PPP1R14C: variants seen among roughly 807,000 people sequenced by gnomAD.
PPP1R14C encodes the protein protein phosphatase 1 regulatory inhibitor subunit 14C, also known as protein phosphatase 1 regulatory subunit 14C.
A neutral mutation model predicts 20.4 loss-of-function variants in PPP1R14C; 16 were observed. That is an observed-to-expected ratio of 0.78 (90% CI 0.53 to 1.19). The LOEUF is 1.19. Ranked by LOEUF, PPP1R14C falls within the 50% of genes most tolerant of loss-of-function variation. The probability of loss-of-function intolerance (pLI) is 0.00; values close to 1 mark genes in which losing one functional copy is unlikely to be tolerated. For synonymous variants in PPP1R14C, 91 were observed against 91.0 expected, an observed-to-expected ratio of 1.00 and a Z score of 0.00; for missense variants, 211 against 220.1, an observed-to-expected ratio of 0.96 and a Z score of 0.26.
chr6:150,198,726 C>G (rs116761680), intron 1 of PPP1R14C, among the ~76,000 whole-genome samples: 1 of 152,188 alleles, frequency 6.6e-6, no homozygotes, highest in Non-Finnish European at 1.5e-5. Context: ...CGGGCAGCCC[C>G]GCTGGCACTT....
intron 1 of PPP1R14C, among the ~76,000 whole-genome samples, chr6:150,212,689 A>G (rs1778042131): frequency 6.6e-6 from 1 of 152,224 alleles, no homozygotes; most frequent in Non-Finnish European, 1.5e-5. Context: ...CATTTCAGTC[A>G]ACAATGGACT....
chr6:150,168,297 G>A (rs1327722497), intron 1 of PPP1R14C, among the ~76,000 whole-genome samples: 5 of 151,662 alleles, frequency 3.3e-5, no homozygotes, highest in Admixed American at 6.6e-5. Flanking sequence ...AGCACTTTGG[G>A]AGGCCGAGGC....
At position 150,185,438 on chromosome 6, in the gene PPP1R14C, T is replaced by C. The variant is rs1582908366; in HGVS notation, c.307-29306T>C. Among the ~76,000 whole-genome samples, 1 of 152,300 alleles carries C rather than the reference T, an allele frequency of 6.6e-6. No individual in the cohort carries two copies. On this transcript the variant is annotated intron_variant, in intron 1 of 3. Transcript: ENST00000361131. The surrounding 1 kb of genome is among the most constrained non-coding windows in gnomAD (Gnocchi z 4.1). ...GCTCGTCTTGCCATGGGGACCATCC[T>C]TGCATTAACCACAGGAATTTCCAGC... is the stretch of plus-strand genomic sequence containing the variant.
intron 3 of PPP1R14C, among the ~76,000 whole-genome samples, chr6:150,217,927 T>A (rs1037479872): frequency 6.6e-6 from 1 of 152,236 alleles, no homozygotes; most frequent in African/African-American, 2.4e-5. Context: ...TTGAGCTTTA[T>A]GCTTCCAACC....
At chr6:150,165,020 G>A (rs527599826) in intron 1 of PPP1R14C, among the ~76,000 whole-genome samples, 1 of 152,348 alleles carries the variant, frequency 6.6e-6, no homozygotes, top group South Asian at 2.1e-4. Context: ...CATAGGATCT[G>A]TGTGGTACCT....
intron 1 of PPP1R14C, among the ~76,000 whole-genome samples, chr6:150,198,806 A>G (rs1441372690): frequency 6.6e-6 from 1 of 152,192 alleles, no homozygotes. Flanking sequence ...TGCCTCGCTC[A>G]TCATCAGTTG....
intron 3 of PPP1R14C, among the ~76,000 whole-genome samples, chr6:150,220,930 G>C (rs1778160041): frequency 6.6e-6 from 1 of 152,162 alleles, no homozygotes; most frequent in African/African-American, 2.4e-5. Context: ...TGTATTATTT[G>C]AACACTCTTC....
intron 1 of PPP1R14C, among the ~76,000 whole-genome samples, chr6:150,204,434 A>G (rs908094401): frequency 2.6e-5 from 4 of 152,116 alleles, no homozygotes; most frequent in African/African-American, 9.7e-5. Flanking sequence ...CGGTAATGTG[A>G]TAAGTCTTCA....
intron 1 of PPP1R14C, among the ~76,000 whole-genome samples, chr6:150,186,100 G>T (rs186396438): frequency 1.3e-5 from 2 of 152,156 alleles, no homozygotes; most frequent in Non-Finnish European, 2.9e-5. Flanking sequence ...ATGGGTTTGC[G>T]ATAAATGGAG....
chr6:150,190,409 G>A (rs923419336), intron 1 of PPP1R14C, among the ~76,000 whole-genome samples: 6 of 149,092 alleles, frequency 4.0e-5, no homozygotes, highest in Admixed American at 2.7e-4. Flanking sequence ...AAACCTTAAA[G>A]TCATCCTAGA....
At chr6:150,204,941 A>G (rs1473600539) in intron 1 of PPP1R14C, among the ~76,000 whole-genome samples, 1 of 150,076 alleles carries the variant, frequency 6.7e-6, no homozygotes, top group Non-Finnish European at 1.5e-5. Flanking sequence ...TGGCCTCTTG[A>G]GCCCTTTGAG....
intron 1 of PPP1R14C, among the ~76,000 whole-genome samples, chr6:150,149,455 C>CTTTTTT (rs869244401): frequency 1.9e-3 from 68 of 35,442 alleles, no homozygotes; most frequent in African/African-American, 2.1e-3. Context: ...TTTTTTTTTT[C>CTTTTTT]TTTTTTTTTT....
intron 3 of PPP1R14C, among the ~76,000 whole-genome samples, chr6:150,236,640 C>T (rs7763922): frequency 0.17 from 18,802 of 108,770 alleles, 2,160 homozygotes; most frequent in African/African-American, 0.4. Flanking sequence ...TGTGTGTGTG[C>T]GCGTGTGTGT....
At chr6:150,189,097 G>C (rs1777712062) in intron 1 of PPP1R14C, among the ~76,000 whole-genome samples, 1 of 152,022 alleles carries the variant, frequency 6.6e-6, no homozygotes, top group South Asian at 2.1e-4. Context: ...GACCTCAGGT[G>C]ATCTGCCTGC....
At chr6:150,153,016 G>A (rs1305202904) in intron 1 of PPP1R14C, among the ~76,000 whole-genome samples, 1 of 152,246 alleles carries the variant, frequency 6.6e-6, no homozygotes, top group African/African-American at 2.4e-5. Context: ...TCACTGCCAT[G>A]CAAGGGCACA....
chr6:150,167,619 G>A (rs1306204499), intron 1 of PPP1R14C, among the ~76,000 whole-genome samples: 1 of 152,156 alleles, frequency 6.6e-6, no homozygotes, highest in Non-Finnish European at 1.5e-5. Context: ...AGTGACAGCT[G>A]ACAGCCTGAC....
intron 3 of PPP1R14C, among the ~76,000 whole-genome samples, chr6:150,246,304 T>TA (rs926357137): frequency 1.8e-3 from 273 of 148,644 alleles, no homozygotes; most frequent in East Asian, 0.015. Context: ...ACCTTTGCTT[T>TA]AAAAAAAAAA....
chr6:150,182,651 T>C (rs1777634529), intron 1 of PPP1R14C, among the ~76,000 whole-genome samples: 1 of 152,230 alleles, frequency 6.6e-6, no homozygotes, highest in South Asian at 2.1e-4. Flanking sequence ...AATAAAGACA[T>C]GGACCTACCT....
At position 150,249,520 on chromosome 6, in the gene PPP1R14C, T is replaced by A. The variant is rs1212364663; in HGVS notation, c.*700T>A. 1.0e-5 allele frequency: 4 copies of A among 398,524 alleles called. No homozygotes were observed. The highest frequency in any genetic ancestry group is 1.3e-5 in the Non-Finnish European group (3 of 226,076). 24.7% of individuals were successfully genotyped at this position (398,524 alleles called of 1,614,324 possible). A position where few individuals can be genotyped will look rare whatever the true frequency, so the allele number is the denominator to read the frequency against. On this transcript the variant is annotated 3_prime_UTR_variant, in exon 4 of 4. Transcript: ENST00000361131. The stretch of plus-strand genomic sequence containing the variant: ...TATGGAATTTCTATTATTTCATTGG[T>A]TGGGATGCTTTGCCAGGTCATGTGC...
Sources: gnomAD v4.1 joint callset for allele counts (sites outside exome capture counted in the v4.1 genomes callset) on GRCh38, gnomAD v4.1.1 for gene constraint, Gnocchi (gnomAD v3.1) non-coding constraint, MANE v1.5 for transcripts, NCBI Gene and HGNC (gene_info 2026-07-23, HGNC 2026-07-21) for gene names.